ATOSA: variants seen among roughly 807,000 people sequenced by gnomAD.
ATOSA encodes atos homolog A.
chr15:52,626,189 G>T, the ATOSA span, among the ~76,000 whole-genome samples: 1 of 152,142 alleles, frequency 6.6e-6, no homozygotes, highest in Non-Finnish European at 1.5e-5. Context: ...CACTTTATCA[G>T]TAAGTGGAGG....
At chr15:52,694,666 T>TA in the ATOSA span, among the ~76,000 whole-genome samples, 12 of 150,526 alleles carry the variant, frequency 8.0e-5, no homozygotes, top group African/African-American at 1.2e-4. Flanking sequence ...TTTTTTTAAT[T>TA]AAAAAAAAAT....
At chr15:52,656,316 A>G in the ATOSA span, 1 of 152,234 alleles carries the variant, frequency 6.6e-6, no homozygotes, top group East Asian at 1.9e-4. Context: ...CAGTTCAGGG[A>G]TAAATTAAGC....
chr15:52,597,169 T>TG, the ATOSA span, among the ~76,000 whole-genome samples: 5 of 7,558 alleles, frequency 6.6e-4, no homozygotes, highest in African/African-American at 2.2e-3. Context: ...TGTTCTGTTC[T>TG]ATTCTATTCT....
At chr15:52,628,888 CAATT>C in the ATOSA span, among the ~76,000 whole-genome samples, 6 of 152,146 alleles carry the variant, frequency 3.9e-5, no homozygotes, top group Non-Finnish European at 7.4e-5. Flanking sequence ...ATTTTTCACT[CAATT>C]GTTAACAAAT....
chr15:52,653,475 C>A, the ATOSA span, among the ~76,000 whole-genome samples: 1 of 152,002 alleles, frequency 6.6e-6, no homozygotes, highest in East Asian at 1.9e-4. Context: ...GCTGCTAAGC[C>A]CCCTGAGAAA....
the ATOSA span, chr15:52,611,840 G>T: frequency 6.8e-7 from 1 of 1,476,626 alleles, no homozygotes; most frequent in Non-Finnish European, 9.4e-7. Flanking sequence ...GTTTAAAATA[G>T]AAAATTATCA....
the ATOSA span, chr15:52,585,014 C>G: frequency 4.6e-6 from 6 of 1,308,416 alleles, no homozygotes; most frequent in Non-Finnish European, 5.2e-6. Flanking sequence ...ATGATTGTGC[C>G]AATAATCAAA....
At chr15:52,594,807 C>T in the ATOSA span, among the ~76,000 whole-genome samples, 1 of 152,336 alleles carries the variant, frequency 6.6e-6, no homozygotes, top group South Asian at 2.1e-4. Flanking sequence ...GTCTTTCCAT[C>T]TGTAGTGTAT....
chr15:52,611,467 T>TGAA, the ATOSA span: 2 of 1,273,428 alleles, frequency 1.6e-6, no homozygotes, highest in East Asian at 5.0e-5. Flanking sequence ...CTATCTCAAT[T>TGAA]TTATTACATA....
chr15:52,611,440 AG>A, the ATOSA span: 1 of 1,173,050 alleles, frequency 8.5e-7, no homozygotes, highest in East Asian at 2.5e-5. Context: ...TACTCATTTT[AG>A]TGCCAAATAT....
chr15:52,676,769 T>C, the ATOSA span, among the ~76,000 whole-genome samples: 1 of 152,256 alleles, frequency 6.6e-6, no homozygotes, highest in East Asian at 1.9e-4. Flanking sequence ...TGCTTATGAC[T>C]GTAAAGCAAC....
the ATOSA span, among the ~76,000 whole-genome samples, chr15:52,634,690 C>T: frequency 6.6e-6 from 1 of 151,122 alleles, no homozygotes; most frequent in Non-Finnish European, 1.5e-5. Flanking sequence ...CAACTTCTGC[C>T]TTATGGGTTC....
At chr15:52,708,423 T>C in the ATOSA span, among the ~76,000 whole-genome samples, 106 of 152,282 alleles carry the variant, frequency 7.0e-4, no homozygotes, top group African/African-American at 2.4e-3. Context: ...CAAACTCTCC[T>C]GCTTGTGTGA....
At chr15:52,627,413 A>G in the ATOSA span, among the ~76,000 whole-genome samples, 2 of 152,186 alleles carry the variant, frequency 1.3e-5, no homozygotes, top group South Asian at 2.1e-4. Flanking sequence ...CTAAATATTC[A>G]TCATTTTATT....
At chr15:52,696,193 G>A in the ATOSA span, among the ~76,000 whole-genome samples, 22 of 152,292 alleles carry the variant, frequency 1.4e-4, no homozygotes, top group Admixed American at 3.3e-4. Context: ...GTAAGAGCTA[G>A]TGTGGCTTGG....
chr15:52,630,371 A>G, the ATOSA span, among the ~76,000 whole-genome samples: 75 of 152,304 alleles, frequency 4.9e-4, no homozygotes, highest in African/African-American at 1.7e-3. Context: ...CAAAGAAAAT[A>G]TTTGCAATGC....
At chr15:52,701,550 CCTTTCTTCACAA>C in the ATOSA span, among the ~76,000 whole-genome samples, 1 of 152,162 alleles carries the variant, frequency 6.6e-6, no homozygotes, top group African/African-American at 2.4e-5. Context: ...TAAATTAGAT[CCTTTCTTCACAA>C]CACACACAGT....
the ATOSA span, chr15:52,605,193 C>G: frequency 1.9e-6 from 3 of 1,611,372 alleles, no homozygotes; most frequent in Non-Finnish European, 2.5e-6. Context: ...AAGTTCCATC[C>G]AAGGAATGAA....
At chr15:52,702,770 A>T in the ATOSA span, among the ~76,000 whole-genome samples, 1 of 146,446 alleles carries the variant, frequency 6.8e-6, no homozygotes, top group Non-Finnish European at 1.5e-5. Context: ...TTGAAAAAAA[A>T]AGTGTTTCCA....
Sources: allele counts gnomAD v4.1 joint callset (sites outside exome capture counted in the v4.1 genomes callset), GRCh38; gene constraint gnomAD v4.1.1; transcripts MANE v1.5; gene names NCBI Gene and HGNC (gene_info 2026-07-23, HGNC 2026-07-21).